FOCAD: variants seen among roughly 807,000 people sequenced by gnomAD.
FOCAD encodes KIAA1797.
A neutral mutation model predicts 225.6 loss-of-function variants in FOCAD; 198 were observed. That is an observed-to-expected ratio of 0.88 (90% CI 0.78 to 0.99). The LOEUF (loss-of-function observed/expected upper bound fraction) is 0.99. Among genes scored for constraint, FOCAD ranks in the 50% least tolerant of loss-of-function variants. The pLI, the probability that FOCAD is intolerant of heterozygous loss-of-function variation, is 0.00. For synonymous variants in FOCAD, 897 were observed against 755.0 expected, an observed-to-expected ratio of 1.19 and a Z score of -3.08; for missense variants, 2,713 against 2,123.6, an observed-to-expected ratio of 1.28 and a Z score of -5.46.
intron 21 of FOCAD, among the ~76,000 whole-genome samples, chr9:20,900,797 AC>A (rs1434853405): frequency 1.3e-5 from 2 of 151,890 alleles, no homozygotes; most frequent in Non-Finnish European, 2.9e-5. Context: ...CTATTAAATA[AC>A]AGAATAAATG....
In FOCAD at chr9:20,723,037, A is replaced by T. The variant is rs60429248; in HGVS notation, c.287+2503A>T. ...ACCTTTAATTCTAGAAGATAATCTTAGAAAATTATGCTGGTGTGAGGTATC... is the reference window on the plus strand; with the variant it reads ...ACCTTTAATTCTAGAAGATAATCTTTGAAAATTATGCTGGTGTGAGGTATC... On this transcript the variant is annotated intron_variant, in intron 4 of 43. Coordinates refer to ENST00000338382, the MANE Select transcript of FOCAD (RefSeq NM_001375567.1). Among the ~76,000 whole-genome samples, 772 of 152,374 alleles carry T rather than the reference A, an allele frequency of 5.1e-3. 8 individuals are homozygous for T. The highest frequency in any genetic ancestry group is 0.015 in the African/African-American group (619 of 41,584).
intron 11 of FOCAD, among the ~76,000 whole-genome samples, chr9:20,808,368 G>C (rs1310368148): frequency 1.3e-5 from 2 of 152,166 alleles, no homozygotes; most frequent in Non-Finnish European, 2.9e-5. Flanking sequence ...AATAGGGGCA[G>C]GTTTGCCACC....
intron 28 of FOCAD, among the ~76,000 whole-genome samples, chr9:20,942,635 A>G (rs1358357177): frequency 6.6e-6 from 1 of 152,094 alleles, no homozygotes; most frequent in East Asian, 1.9e-4. Flanking sequence ...AGACTCTTAA[A>G]ATTCTTCATT....
intron 12 of FOCAD, among the ~76,000 whole-genome samples, 176 bp downstream of exon 12, chr9:20,820,076 A>G (rs1361220897): frequency 1.3e-5 from 2 of 152,092 alleles, no homozygotes; most frequent in African/African-American, 2.4e-5. Flanking sequence ...TTAATAATTA[A>G]TTGTTTTAAA....
chr9:20,918,896 A>G (rs542715555), intron 24 of FOCAD, among the ~76,000 whole-genome samples: 28 of 152,266 alleles, frequency 1.8e-4, no homozygotes, highest in African/African-American at 5.3e-4. Flanking sequence ...GCTTCTTCCC[A>G]CTGGCTTCCT....
intron 21 of FOCAD, among the ~76,000 whole-genome samples, chr9:20,905,898 T>A (rs558829010): frequency 4.4e-4 from 67 of 151,454 alleles, no homozygotes; most frequent in African/African-American, 1.6e-3. Flanking sequence ...TTTAAGTTCA[T>A]TTCATGGCTG....
At position 20,789,476 on chromosome 9, in the gene FOCAD, G is replaced by C; in HGVS notation, c.1323G>C (p.Leu441Phe). 3 of 1,613,944 alleles carry C rather than the reference G, an allele frequency of 1.9e-6. No individual in the cohort carries two copies. The highest frequency in any genetic ancestry group is 2.5e-6 in the Non-Finnish European group (3 of 1,179,972). Residue 441 changes from leucine (L) to phenylalanine (F), a missense_variant, in exon 11 of 44, where the codon TTG becomes TTC. Coordinates refer to ENST00000338382, the MANE Select transcript of FOCAD (RefSeq NM_001375567.1). ...ACTGGTTGGCTTCAGTAGAGTCATT[G>C]CTTCCTATTACTGCTGTGATCCCTG... is the stretch of plus-strand genomic sequence containing the variant. ...ASDWLASVES[L>F]LPITAVIPAP...
chr9:20,655,834 G>A (rs1035714991), upstream of FOCAD, among the ~76,000 whole-genome samples: 2 of 151,828 alleles, frequency 1.3e-5, no homozygotes, highest in Non-Finnish European at 2.9e-5. Context: ...GAATGTGTTT[G>A]CTCTTGCCTT....
intron 1 of FOCAD, among the ~76,000 whole-genome samples, chr9:20,690,726 C>G (rs890606305): frequency 2.6e-5 from 4 of 151,800 alleles, no homozygotes; most frequent in African/African-American, 9.7e-5. Context: ...TTTTCTATTT[C>G]TTGTAGCGGT....
intron 28 of FOCAD, 146 bp from the exon 29 acceptor site, chr9:20,944,481 G>A (rs1029171196): frequency 1.4e-5 from 11 of 772,022 alleles, no homozygotes; most frequent in Middle Eastern, 2.9e-4. Flanking sequence ...TGTCATGGAT[G>A]ATGGGGCACA....
chr9:20,694,945 AAATAT>A (rs1823233423), intron 1 of FOCAD, among the ~76,000 whole-genome samples: 3 of 152,238 alleles, frequency 2.0e-5, no homozygotes, highest in Non-Finnish European at 2.9e-5. Context: ...TAAGTTTCCC[AAATAT>A]AATATAATTT....
intron 11 of FOCAD, among the ~76,000 whole-genome samples, chr9:20,810,464 C>G (rs963214975): frequency 6.6e-6 from 1 of 152,020 alleles, no homozygotes; most frequent in African/African-American, 2.4e-5. Flanking sequence ...TTTTATTTGA[C>G]TAGTCAGACT....
intron 1 of FOCAD, among the ~76,000 whole-genome samples, chr9:20,690,588 G>A (rs1426411474): frequency 2.0e-5 from 3 of 152,002 alleles, no homozygotes; most frequent in Non-Finnish European, 4.4e-5. Flanking sequence ...TTGCTCTGTC[G>A]CCCTCTCTGA....
At chr9:20,771,744 G>A (rs1393683403) in intron 8 of FOCAD, among the ~76,000 whole-genome samples, 1 of 152,170 alleles carries the variant, frequency 6.6e-6, no homozygotes, top group Non-Finnish European at 1.5e-5. Flanking sequence ...GACACAGCAG[G>A]ACTTTGTCTC....
chr9:20,664,464 A>G (rs12346238), intron 2 of FOCAD, among the ~76,000 whole-genome samples: 4,432 of 151,802 alleles, frequency 0.029, 223 homozygotes, highest in African/African-American at 0.1. Flanking sequence ...AAGGGCTCCA[A>G]AAACAAGTAG....
intron 5 of FOCAD, among the ~76,000 whole-genome samples, chr9:20,741,385 T>C (rs1003261832): frequency 2.6e-5 from 4 of 152,218 alleles, no homozygotes; most frequent in African/African-American, 9.6e-5. Context: ...TGTGTCGTGG[T>C]ATATCTCATA....
chr9:20,952,210 G>C (rs1587705326), intron 34 of FOCAD, among the ~76,000 whole-genome samples: 1 of 152,008 alleles, frequency 6.6e-6, no homozygotes, highest in East Asian at 1.9e-4. Flanking sequence ...CATATTATGG[G>C]GTACTTGGTC....
At chr9:20,892,477 C>T (rs1365443636) in intron 21 of FOCAD, among the ~76,000 whole-genome samples, 2 of 151,994 alleles carry the variant, frequency 1.3e-5, no homozygotes, top group Non-Finnish European at 2.9e-5. Context: ...TGATTCCAGC[C>T]CTCTTGGATG....
At chr9:20,709,737 G>C (rs993567551) in intron 1 of FOCAD, among the ~76,000 whole-genome samples, 4 of 152,136 alleles carry the variant, frequency 2.6e-5, no homozygotes, top group African/African-American at 9.7e-5. Context: ...TTGCAGCTTG[G>C]GTAGTGGTTT....
Sources: gnomAD v4.1 joint callset for allele counts (sites outside exome capture counted in the v4.1 genomes callset) on GRCh38, gnomAD v4.1.1 for gene constraint, MANE v1.5 for transcripts, NCBI Gene and HGNC (gene_info 2026-07-23, HGNC 2026-07-21) for gene names.